TBC1D5: variants seen among roughly 807,000 people sequenced by gnomAD.
TBC1D5 encodes TBC1 domain family, member 5.
In TBC1D5, 75 loss-of-function variants were observed where a neutral mutation model predicts 100.3. The ratio of observed to expected loss-of-function variants is 0.75; its 90% CI spans 0.62 to 0.91. The LOEUF is 0.91. Ranked by LOEUF, TBC1D5 falls within the 40% of genes least tolerant of loss-of-function variation. The pLI, the probability that TBC1D5 is intolerant of heterozygous loss-of-function variation, is 0.00. For missense variants in TBC1D5, 910 were observed against 942.4 expected (o/e 0.97, Z 0.45); for synonymous variants, 323 against 325.6 (o/e 0.99, Z 0.09).
intron 2 of TBC1D5, among the ~76,000 whole-genome samples, chr3:17,614,832 G>A (rs2153631437): frequency 6.6e-6 from 1 of 152,276 alleles, no homozygotes; most frequent in South Asian, 2.1e-4. Context: ...TCTGCAAACT[G>A]GGACAATTTG....
intron 18 of TBC1D5, among the ~76,000 whole-genome samples, chr3:17,193,451 G>C (rs1204639771): frequency 6.6e-6 from 1 of 152,188 alleles, no homozygotes; most frequent in Non-Finnish European, 1.5e-5. Context: ...GGTGTTGGCA[G>C]GTTAAAATAA....
At chr3:17,444,291 C>A (rs2094731351) in intron 3 of TBC1D5, among the ~76,000 whole-genome samples, 1 of 151,964 alleles carries the variant, frequency 6.6e-6, no homozygotes, top group Non-Finnish European at 1.5e-5. Context: ...AAAACCCACC[C>A]ATAATGTGAT....
intron 15 of TBC1D5, among the ~76,000 whole-genome samples, chr3:17,276,370 C>T (rs1308674684): frequency 6.6e-6 from 1 of 152,184 alleles, no homozygotes; most frequent in African/African-American, 2.4e-5. Flanking sequence ...TTGGGAAACA[C>T]AAACACCTAG....
At chr3:17,716,535 A>G (rs544245280) in intron 1 of TBC1D5, among the ~76,000 whole-genome samples, 3 of 152,184 alleles carry the variant, frequency 2.0e-5, no homozygotes, top group Admixed American at 6.5e-5. Context: ...GCAACTAATC[A>G]GCTGAAAGAT....
intron 2 of TBC1D5, among the ~76,000 whole-genome samples, chr3:17,579,136 C>T (rs1216252033): frequency 6.6e-6 from 1 of 151,958 alleles, no homozygotes; most frequent in African/African-American, 2.4e-5. Context: ...ATGTTAGTGG[C>T]ATAATTGTCA....
intron 3 of TBC1D5, among the ~76,000 whole-genome samples, chr3:17,497,560 A>G (rs2095730081): frequency 6.6e-6 from 1 of 152,264 alleles, no homozygotes; most frequent in South Asian, 2.1e-4. Flanking sequence ...TTTCTGATTA[A>G]AAATCTATCC....
At chr3:17,565,309 T>G (rs556724474) in intron 2 of TBC1D5, among the ~76,000 whole-genome samples, 1 of 152,302 alleles carries the variant, frequency 6.6e-6, no homozygotes, top group East Asian at 1.9e-4. Flanking sequence ...CAGTTAATTA[T>G]GTTCGTTGAA....
At chr3:17,178,211 G>A (rs956414330) in intron 19 of TBC1D5, among the ~76,000 whole-genome samples, 12 of 151,772 alleles carry the variant, frequency 7.9e-5, no homozygotes, top group Admixed American at 2.6e-4. Flanking sequence ...GACTACATGC[G>A]CCCACCACCA....
At chr3:17,345,238 C>A (rs185638517) in intron 13 of TBC1D5, among the ~76,000 whole-genome samples, 13,659 of 152,104 alleles carry the variant, frequency 0.09, 1,403 homozygotes, top group African/African-American at 0.25. Flanking sequence ...AAACAAACAA[C>A]CCCATCAATA....
At chr3:17,722,436 T>G (rs912173572) in intron 1 of TBC1D5, among the ~76,000 whole-genome samples, 4 of 152,222 alleles carry the variant, frequency 2.6e-5, no homozygotes, top group Non-Finnish European at 5.9e-5. Context: ...CACAATATTT[T>G]GTGCATAAAA....
intron 9 of TBC1D5, among the ~76,000 whole-genome samples, chr3:17,383,329 T>C (rs2093025285): frequency 6.6e-6 from 1 of 151,766 alleles, no homozygotes; most frequent in Admixed American, 6.6e-5. Context: ...TAGAACACCA[T>C]AAACTTAAAT....
intron 13 of TBC1D5, among the ~76,000 whole-genome samples, chr3:17,348,010 T>C (rs980673952): frequency 5.1e-4 from 75 of 145,898 alleles, no homozygotes; most frequent in Non-Finnish European, 2.0e-4. Flanking sequence ...CTCTACAACA[T>C]AAAAAGTCGT....
intron 15 of TBC1D5, among the ~76,000 whole-genome samples, chr3:17,268,350 T>C (rs1421243157): frequency 6.6e-6 from 1 of 152,138 alleles, no homozygotes; most frequent in Non-Finnish European, 1.5e-5. Context: ...GTTCTTAATA[T>C]TTTTTATGCC....
intron 4 of TBC1D5, among the ~76,000 whole-genome samples, chr3:17,420,029 G>C (rs2094171157): frequency 6.6e-6 from 1 of 151,966 alleles, no homozygotes; most frequent in African/African-American, 2.4e-5. Context: ...TATAATACCA[G>C]TCATCATCTA....
chr3:17,530,187 T>C lies in TBC1D5; in HGVS notation c.-35-21582A>G, dbSNP rs574835042. On this transcript the variant is annotated intron_variant, in intron 2 of 21. Transcript: ENST00000253692. ...TGATCCCAGAAGCCAGAAGTTGCAG[T>C]GAGCCAAGATCATGCCACTGCATTC... Among the ~76,000 whole-genome samples, 514 of 142,526 alleles carry C rather than the reference T, an allele frequency of 3.6e-3. 2 individuals carry two copies. Among genetic ancestry groups the C allele is most frequent in the African/African-American group, 0.013 (499 of 37,420 alleles). 93.5% of individuals were successfully genotyped at this position (142,526 alleles called of 152,430 possible). A position where few individuals can be genotyped will look rare whatever the true frequency, so the allele number is the denominator to read the frequency against.
intron 4 of TBC1D5, among the ~76,000 whole-genome samples, chr3:17,414,967 T>C (rs1184202597): frequency 6.6e-6 from 1 of 152,170 alleles, no homozygotes; most frequent in Non-Finnish European, 1.5e-5. Flanking sequence ...AAGGCTCCAC[T>C]GAAATACAGG....
chr3:17,715,958 T>C (rs1372092387), intron 1 of TBC1D5, among the ~76,000 whole-genome samples: 1 of 152,048 alleles, frequency 6.6e-6, no homozygotes, highest in Non-Finnish European at 1.5e-5. Flanking sequence ...AGGCTGAGGC[T>C]GAACGATCAC....
At chr3:17,447,952 C>T (rs948553652) in intron 3 of TBC1D5, among the ~76,000 whole-genome samples, 2 of 152,138 alleles carry the variant, frequency 1.3e-5, no homozygotes, top group Non-Finnish European at 2.9e-5. Flanking sequence ...GTTTTCACTG[C>T]TAAATTATCA....
chr3:17,544,021 C>T (rs886091469), intron 2 of TBC1D5, among the ~76,000 whole-genome samples: 8 of 152,052 alleles, frequency 5.3e-5, no homozygotes, highest in African/African-American at 1.9e-4. Flanking sequence ...GCACGCACCA[C>T]CATGCCCAGC....
Sources: allele counts gnomAD v4.1 joint callset (sites outside exome capture counted in the v4.1 genomes callset), GRCh38; gene constraint gnomAD v4.1.1; transcripts MANE v1.5; gene names NCBI Gene and HGNC (gene_info 2026-07-23, HGNC 2026-07-21).